The following OTOG variants were observed in gnomAD, a reference collection of about 807,000 sequenced individuals.
OTOG encodes otogelin.
A neutral mutation model predicts 313.8 loss-of-function variants in OTOG; 296 were observed. That is an observed-to-expected ratio of 0.94 (90% CI 0.86 to 1.04). The LOEUF (loss-of-function observed/expected upper bound fraction) is 1.04. Among genes scored for constraint, OTOG ranks in the 50% least tolerant of loss-of-function variants. The probability of loss-of-function intolerance (pLI) is 0.00; values close to 1 mark genes in which losing one functional copy is unlikely to be tolerated. For synonymous variants in OTOG, 1,533 were observed against 1,554.9 expected (o/e 0.99, Z 0.33); for missense variants, 3,948 against 3,840.1 (o/e 1.03, Z -0.74).
Position 17,633,693 on chromosome 11 carries a change from C to A in OTOG, c.7086C>A (p.Ser2362=). The A allele has an allele frequency of 6.5e-7, 1 of 1,538,692 alleles. No individual in the cohort carries two copies. The highest frequency in any genetic ancestry group is 8.8e-7 in the Non-Finnish European group (1 of 1,140,886). ...GTGCCCCTGCAGCCTTCCTGTGCTC[C>A]AGCGACTCCACATACCAGGCATGTG... ...RRSDYCPFLC[S]SDSTYQACVT... Residue 2362 remains serine (S), a synonymous_variant, in exon 43 of 56, where the codon TCC becomes TCA. Transcript: ENST00000399397.
At chr11:17,591,395 A>G (rs1239492428) in intron 24 of OTOG, 55 bp from the exon 25 acceptor site, 14 of 1,543,300 alleles carry the variant, frequency 9.1e-6, no homozygotes, top group African/African-American at 1.4e-5. Flanking sequence ...TGTCATGAGT[A>G]TTCAGGTATG....
In OTOG at chr11:17,574,710, C is replaced by T. The variant is rs949232524; in HGVS notation, c.2294-10C>T. 6 of 1,547,988 alleles carry T rather than the reference C, an allele frequency of 3.9e-6. No individual in the cohort carries two copies. Among genetic ancestry groups the T allele is most frequent in the Non-Finnish European group, 2.6e-6 (3 of 1,145,704 alleles). On this transcript the variant is annotated splice_polypyrimidine_tract_variant and intron_variant, in intron 19 of 55. Coordinates refer to ENST00000399397, the MANE Select transcript of OTOG (RefSeq NM_001292063.2). ...GAGACAAAGCATGCACCACTCCCCC[C>T]TCACTGCAGCACTGTCCTGTGAGGC...
intron 48 of OTOG, 38 bp downstream of exon 48, chr11:17,638,587 T>G: frequency 6.5e-6 from 10 of 1,535,308 alleles, no homozygotes; most frequent in Non-Finnish European, 8.8e-6. Context: ...CGCTGGGAGA[T>G]CCAGTGGCCC....
chr11:17,562,237 C>CAAAAAA (rs759962274), intron 15 of OTOG, among the ~76,000 whole-genome samples: 45 of 62,588 alleles, frequency 7.2e-4, no homozygotes, highest in East Asian at 1.3e-3. Context: ...GACTCCGTCT[C>CAAAAAA]AAAAAAAAAA....
intron 7 of OTOG, among the ~76,000 whole-genome samples, chr11:17,556,457 T>C (rs1852059785): frequency 6.6e-6 from 1 of 152,218 alleles, no homozygotes; most frequent in Non-Finnish European, 1.5e-5. Context: ...CCACTGTCAC[T>C]TCTTGTTGCT....
intron 28 of OTOG, 70 bp downstream of exon 28, chr11:17,594,236 C>T (rs763229677): frequency 3.3e-5 from 50 of 1,536,128 alleles, no homozygotes; most frequent in Non-Finnish European, 3.8e-5. Flanking sequence ...GAACCCGGCC[C>T]AAGGTCAGGG....
At chr11:17,549,255 A>G (rs1851880901) in intron 3 of OTOG, among the ~76,000 whole-genome samples, 1 of 152,150 alleles carries the variant, frequency 6.6e-6, no homozygotes, top group Non-Finnish European at 1.5e-5. Flanking sequence ...GCCTCAGCTC[A>G]AGTGCCCCTG....
In OTOG at chr11:17,614,742, A is replaced by G. The variant is rs545640549; in HGVS notation, c.6528+1041A>G. On this transcript the variant is annotated intron_variant, in intron 39 of 55. Transcript: ENST00000399397. ...AGTAGTTCAATCCTTTTTATTGATG[A>G]ATAGTATTCCATTGTATGTATGTAC... is the stretch of plus-strand genomic sequence containing the variant. Among the ~76,000 whole-genome samples the G allele has an allele frequency of 2.6e-5, 4 of 152,322 alleles. No individual in the cohort carries two copies. The South Asian group carries it at 6.2e-4, about 24-fold the overall frequency.
chr11:17,552,177 G>A (rs995177013), intron 4 of OTOG, 102 bp downstream of exon 4: 3 of 1,182,854 alleles, frequency 2.5e-6, no homozygotes, highest in Admixed American at 4.1e-5. Flanking sequence ...AGGCCTCCAT[G>A]ACCCCTTTTT....
intron 4 of OTOG, among the ~76,000 whole-genome samples, chr11:17,552,497 CT>C (rs1851957187): frequency 7.1e-6 from 1 of 141,306 alleles, no homozygotes; most frequent in Non-Finnish European, 1.5e-5. Flanking sequence ...TCTGTGGCCT[CT>C]CCTCCCACCT....
intron 39 of OTOG, among the ~76,000 whole-genome samples, chr11:17,622,127 A>G (rs1301142469): frequency 6.6e-6 from 1 of 152,164 alleles, no homozygotes; most frequent in Non-Finnish European, 1.5e-5. Context: ...GGGCTTTCCT[A>G]GGGTCACAAA....
At chr11:17,600,074 G>C (rs2134071507) in intron 31 of OTOG, among the ~76,000 whole-genome samples, 2 of 152,348 alleles carry the variant, frequency 1.3e-5, no homozygotes, top group African/African-American at 4.8e-5. Context: ...TTAGCTTTTG[G>C]CAAAAGCAGA....
At chr11:17,632,674 T>C (rs1854159710) in intron 42 of OTOG, among the ~76,000 whole-genome samples, 1 of 152,092 alleles carries the variant, frequency 6.6e-6, no homozygotes, top group African/African-American at 2.4e-5. Flanking sequence ...TTTCTCTTCT[T>C]CCAGAGTTTC....
chr11:17,632,168 C>G lies in OTOG; in HGVS notation c.7014C>G (p.Tyr2338Ter). 1 of 1,551,124 alleles carries G rather than the reference C, an allele frequency of 6.4e-7. No homozygotes were observed. Among genetic ancestry groups the G allele is most frequent in the Non-Finnish European group, 8.7e-7 (1 of 1,147,002 alleles). ...AGCCCTGCGTGGCCCTGACTGTGTA[C>G]GTGGCCATGTGCCACAAATTTCATG... ...VQQPCVALTV[Y>*]VAMCHKFHVC... is the part of the protein sequence containing the mutation. The change falls in exon 42 of 56, where the codon TAC becomes TAG. Residue 2338 changes from tyrosine to a stop codon, truncating the protein, a stop_gained. Coordinates refer to ENST00000399397, the MANE Select transcript of OTOG (RefSeq NM_001292063.2). LOFTEE classifies it high-confidence loss of function.
intron 1 of OTOG, 69 bp downstream of exon 1, chr11:17,547,535 G>T: frequency 1.6e-6 from 2 of 1,279,310 alleles, no homozygotes; most frequent in Middle Eastern, 2.0e-4. Context: ...AATGAGGAAT[G>T]GGCCCGCGCA....
rs1216152492 is a variant in OTOG, at chr11:17,553,216, G to A, written c.385+5G>A. ...CTGGACCGCGCTGCCAGATGGGTGG[G>A]TCTGGGCTCCACCCCACCCCCAGGA... On this transcript the variant is annotated splice_donor_5th_base_variant and intron_variant, in intron 5 of 55. Coordinates refer to ENST00000399397, the MANE Select transcript of OTOG (RefSeq NM_001292063.2). 1.9e-6 allele frequency: 3 copies of A among 1,550,078 alleles called. No individual in the cohort carries two copies. Among genetic ancestry groups the A allele is most frequent in the South Asian group, 2.4e-5 (2 of 84,054 alleles).
intron 44 of OTOG, 102 bp downstream of exon 44, chr11:17,634,383 G>A: frequency 7.8e-7 from 1 of 1,282,366 alleles, no homozygotes; most frequent in Non-Finnish European, 1.1e-6. Flanking sequence ...CCTAGGAAAA[G>A]CAAAGTGTCT....
chr11:17,634,424 C>T (rs1854209845), intron 44 of OTOG, 143 bp downstream of exon 44: 4 of 943,160 alleles, frequency 4.2e-6, no homozygotes, highest in Non-Finnish European at 6.3e-6. Flanking sequence ...GAGGGGAGAA[C>T]CCTCCCTGGG....
intron 25 of OTOG, among the ~76,000 whole-genome samples, chr11:17,592,477 C>T (rs1380812174): frequency 6.6e-6 from 1 of 152,116 alleles, no homozygotes; most frequent in African/African-American, 2.4e-5. Context: ...TTCTTCTGTT[C>T]CTATCTCCTG....
Sources: gnomAD v4.1 joint callset for allele counts (sites outside exome capture counted in the v4.1 genomes callset) on GRCh38, gnomAD v4.1.1 for gene constraint, MANE v1.5 for transcripts, NCBI Gene and HGNC (gene_info 2026-07-23, HGNC 2026-07-21) for gene names.